The following TSPAN18 variants were observed in gnomAD, a reference collection of about 807,000 sequenced individuals.
TSPAN18 encodes the protein tetraspanin 18.
Under a neutral mutation model 27.3 loss-of-function variants are expected in TSPAN18, and 14 were observed. That is an observed-to-expected ratio of 0.51 (90% CI 0.34 to 0.80). The LOEUF (loss-of-function observed/expected upper bound fraction) is 0.80. Among genes scored for constraint, TSPAN18 ranks in the 30% least tolerant of loss-of-function variants. TSPAN18 has a pLI of 0.01. For synonymous variants in TSPAN18, 143 were observed against 136.5 expected, an observed-to-expected ratio of 1.05 and a Z score of -0.33; for missense variants, 268 against 323.9, an observed-to-expected ratio of 0.83 and a Z score of 1.32.
At chr11:44,758,034 T>G (rs1035449692) in intron 1 of TSPAN18, among the ~76,000 whole-genome samples, 6 of 152,218 alleles carry the variant, frequency 3.9e-5, no homozygotes, top group African/African-American at 1.4e-4. Flanking sequence ...ATCCAAGAAA[T>G]CATTACAAAA....
At chr11:44,770,004 C>T (rs192264152) in intron 2 of TSPAN18, among the ~76,000 whole-genome samples, 19 of 152,226 alleles carry the variant, frequency 1.2e-4, no homozygotes, top group African/African-American at 1.9e-4. Context: ...ATGGGTGTGG[C>T]GATAACAATG....
intron 1 of TSPAN18, among the ~76,000 whole-genome samples, chr11:44,762,871 G>A (rs1855484410): frequency 6.6e-6 from 1 of 152,114 alleles, no homozygotes. Flanking sequence ...TGGGGTCTGT[G>A]GGGTAGACCT....
At chr11:44,864,881 C>A (rs191231614) in intron 3 of TSPAN18, among the ~76,000 whole-genome samples, 4 of 152,184 alleles carry the variant, frequency 2.6e-5, no homozygotes, top group Non-Finnish European at 5.9e-5. Context: ...GTTTGCCTGG[C>A]GGTCTCCTTG....
intron 2 of TSPAN18, among the ~76,000 whole-genome samples, chr11:44,765,215 G>A (rs1855539048): frequency 6.6e-6 from 1 of 152,172 alleles, no homozygotes; most frequent in Non-Finnish European, 1.5e-5. Context: ...AAATGAGGCA[G>A]CTGCAACTTG....
intron 2 of TSPAN18, among the ~76,000 whole-genome samples, chr11:44,782,641 GT>G (rs1855965721): frequency 6.6e-6 from 1 of 151,998 alleles, no homozygotes; most frequent in East Asian, 1.9e-4. Context: ...GTGTACTAGA[GT>G]TCCAGTTTCT....
intron 2 of TSPAN18, among the ~76,000 whole-genome samples, chr11:44,823,634 A>G (rs576360602): frequency 1.8e-4 from 28 of 152,250 alleles, no homozygotes; most frequent in East Asian, 7.8e-4. Flanking sequence ...CAGGTTCTCA[A>G]TCTGGTCCAT....
chr11:44,854,211 G>T (rs1395358388), intron 2 of TSPAN18, among the ~76,000 whole-genome samples: 5 of 135,856 alleles, frequency 3.7e-5, no homozygotes, highest in Non-Finnish European at 1.6e-5. Context: ...GGGGGGGGGG[G>T]TTTGTGTGCG....
chr11:44,779,017 G>A lies in TSPAN18; in HGVS notation c.-153+14505G>A, dbSNP rs560697863. 7.9e-5 allele frequency among the ~76,000 whole-genome samples: 12 copies of A among 152,290 alleles called. No individual in the cohort carries two copies. In the East Asian group the frequency reaches 2.3e-3, roughly 29 times the overall value. On this transcript the variant is annotated intron_variant, in intron 2 of 9. Transcript: ENST00000520358. ...GTCTATGCAGTAAGAGCCACAGCCA[G>A]GACCCAGGTCCTGCTGAGCCAAGTG... is the stretch of plus-strand genomic sequence containing the variant.
intron 8 of TSPAN18, 78 bp from the exon 9 acceptor site, chr11:44,926,596 C>T (rs1169654002): frequency 3.8e-6 from 5 of 1,322,150 alleles, no homozygotes; most frequent in Non-Finnish European, 5.5e-6. Context: ...CTGCCATGAA[C>T]CCTAGTCCAC....
intron 2 of TSPAN18, among the ~76,000 whole-genome samples, chr11:44,795,498 G>T (rs1475603775): frequency 2.0e-5 from 3 of 152,104 alleles, no homozygotes; most frequent in African/African-American, 7.2e-5. Context: ...TAGGGCAGTG[G>T]GGGTACAGGA....
At chr11:44,843,609 T>C (rs975479211) in intron 2 of TSPAN18, among the ~76,000 whole-genome samples, 3 of 152,178 alleles carry the variant, frequency 2.0e-5, no homozygotes, top group African/African-American at 7.2e-5. Context: ...GGGAGCTCTA[T>C]GGGAGACTGG....
At chr11:44,836,890 G>A (rs1406726894) in intron 2 of TSPAN18, among the ~76,000 whole-genome samples, 1 of 152,172 alleles carries the variant, frequency 6.6e-6, no homozygotes, top group Non-Finnish European at 1.5e-5. Context: ...CCATTATTGA[G>A]ACCCACTGCT....
chr11:44,764,822 T>C (rs912895636), intron 2 of TSPAN18, among the ~76,000 whole-genome samples: 8 of 152,132 alleles, frequency 5.3e-5, no homozygotes, highest in African/African-American at 1.9e-4. Context: ...TGAGGGCTCA[T>C]GGAATCTGTA....
intron 3 of TSPAN18, among the ~76,000 whole-genome samples, chr11:44,880,574 C>T (rs1565189261): frequency 6.6e-6 from 1 of 152,248 alleles, no homozygotes; most frequent in South Asian, 2.1e-4. Context: ...CTCTGAACCA[C>T]ACCACCTGAT....
chr11:44,730,210 C>T (rs892543440), intron 1 of TSPAN18, among the ~76,000 whole-genome samples: 1 of 152,138 alleles, frequency 6.6e-6, no homozygotes, highest in African/African-American at 2.4e-5. Context: ...GACAAAGTGC[C>T]CAGCAGTTTT....
intron 2 of TSPAN18, among the ~76,000 whole-genome samples, chr11:44,845,330 A>G (rs1466922798): frequency 5.9e-5 from 9 of 152,248 alleles, no homozygotes; most frequent in Non-Finnish European, 7.3e-5. Flanking sequence ...CCTACAACTT[A>G]TAGAGCTGTT....
chr11:44,731,056 G>A (rs1234863960), intron 1 of TSPAN18, among the ~76,000 whole-genome samples: 1 of 152,212 alleles, frequency 6.6e-6, no homozygotes, highest in Non-Finnish European at 1.5e-5. Flanking sequence ...ACCCAAGACT[G>A]CTGGCTTAAT....
chr11:44,821,504 G>T (rs1379467884), intron 2 of TSPAN18, among the ~76,000 whole-genome samples: 1 of 152,158 alleles, frequency 6.6e-6, no homozygotes, highest in Non-Finnish European at 1.5e-5. Flanking sequence ...GCATATTAAG[G>T]TTCTGGCCTC....
intron 1 of TSPAN18, among the ~76,000 whole-genome samples, chr11:44,751,800 GC>G (rs1855216341): frequency 6.6e-6 from 1 of 151,978 alleles, no homozygotes; most frequent in East Asian, 1.9e-4. Flanking sequence ...GATGGCAGGT[GC>G]CTGTAATCCC....
Sources: gnomAD v4.1 joint callset for allele counts (sites outside exome capture counted in the v4.1 genomes callset) on GRCh38, gnomAD v4.1.1 for gene constraint, MANE v1.5 for transcripts, NCBI Gene and HGNC (gene_info 2026-07-23, HGNC 2026-07-21) for gene names.